Variants in CTNND2 observed in about 807,000 individuals in gnomAD.
CTNND2 encodes the protein catenin delta 2, also known as catenin delta-2.
In CTNND2, 22 loss-of-function variants were observed where a neutral mutation model predicts 144.4. The observed-to-expected ratio is 0.15, with a 90% CI of 0.11 to 0.22. The LOEUF (loss-of-function observed/expected upper bound fraction) is 0.22. Among genes scored for constraint, CTNND2 ranks in the 10% least tolerant of loss-of-function variants. CTNND2 has a pLI of 1.00. For synonymous variants in CTNND2, 751 were observed against 695.6 expected (o/e 1.08, Z -1.25); for missense variants, 1,353 against 1,618.8 (o/e 0.84, Z 2.82).
chr5:11,398,049 C>G (rs954300790), intron 5 of CTNND2, among the ~76,000 whole-genome samples: 4 of 152,000 alleles, frequency 2.6e-5, no homozygotes, highest in African/African-American at 9.7e-5. Context: ...AGTAAATGTA[C>G]TTGTTATTTT....
chr5:11,091,434 T>C (rs1445593089), intron 15 of CTNND2, among the ~76,000 whole-genome samples: 1 of 152,240 alleles, frequency 6.6e-6, no homozygotes, highest in African/African-American at 2.4e-5. Context: ...TTTTAACATC[T>C]GTCAGTTCTT....
At chr5:11,265,264 A>C (rs1351973664) in intron 9 of CTNND2, among the ~76,000 whole-genome samples, 4 of 152,148 alleles carry the variant, frequency 2.6e-5, no homozygotes, top group Non-Finnish European at 4.4e-5. Context: ...TAGGACTGGA[A>C]AAAATAATGT....
intron 19 of CTNND2, among the ~76,000 whole-genome samples, chr5:10,990,613 T>C (rs1348463996): frequency 2.0e-5 from 3 of 152,218 alleles, no homozygotes; most frequent in Non-Finnish European, 4.4e-5. Flanking sequence ...ACCACAGCTT[T>C]TAAAATTAGA....
chr5:11,005,018 G>A (rs1740335288), intron 18 of CTNND2, among the ~76,000 whole-genome samples: 1 of 152,196 alleles, frequency 6.6e-6, no homozygotes, highest in Non-Finnish European at 1.5e-5. Context: ...CAGGCTGTAA[G>A]AGCCATGAAG....
chr5:11,370,340 T>C (rs1757354478), intron 7 of CTNND2, among the ~76,000 whole-genome samples: 1 of 152,156 alleles, frequency 6.6e-6, no homozygotes, highest in African/African-American at 2.4e-5. Flanking sequence ...GATGCATCAA[T>C]GCACATTTTA....
intron 2 of CTNND2, among the ~76,000 whole-genome samples, chr5:11,581,775 A>T (rs933205912): frequency 6.6e-6 from 1 of 152,168 alleles, no homozygotes; most frequent in Non-Finnish European, 1.5e-5. Context: ...TCAGGTTTCA[A>T]ATTTGATTGT....
At chr5:11,832,140 C>T (rs764301708) in intron 1 of CTNND2, among the ~76,000 whole-genome samples, 1 of 151,892 alleles carries the variant, frequency 6.6e-6, no homozygotes, top group Non-Finnish European at 1.5e-5. Flanking sequence ...AAAAATTAGC[C>T]GGGCATGGTG....
chr5:11,684,839 A>G (rs1784572237), intron 2 of CTNND2, among the ~76,000 whole-genome samples: 1 of 152,216 alleles, frequency 6.6e-6, no homozygotes, highest in African/African-American at 2.4e-5. Context: ...CAACTGCCTT[A>G]AAACAGGAAG....
rs1428253453 is a variant in CTNND2 at position 11,346,420 on chromosome 5, C to A, written c.1580G>T (p.Gly527Val). ...AATGGACGGGGACCTGGCCAAGGTG[C>A]CTTCAGGCGGGAGAGCAGGGCCGGA... ...SKSGPALPPE[G>V]TLARSPSIDS... is the part of the protein sequence containing the mutation. The change falls in exon 9 of 22, where the codon GGC becomes GTC. Residue 527 changes from glycine (G) to valine (V), a missense_variant. By Grantham distance (109) the Gly-to-Val change is moderately radical. This residue lies in a region of CTNND2 where 708 missense variants were observed against 706.4 expected (regional missense o/e 1.00). Transcript: ENST00000304623. 1.3e-6 allele frequency: 2 copies of A among 1,531,582 alleles called. No individual in the cohort carries two copies. Among genetic ancestry groups the A allele is most frequent in the African/African-American group, 1.4e-5 (1 of 71,532 alleles). The allele number at this position is 1,531,582 out of a possible 1,614,324, so 94.9% of individuals were successfully genotyped here. A position where few individuals can be genotyped will look rare whatever the true frequency, so the allele number is the denominator to read the frequency against.
At chr5:11,264,192 T>G (rs571625715) in intron 9 of CTNND2, among the ~76,000 whole-genome samples, 1 of 152,322 alleles carries the variant, frequency 6.6e-6, no homozygotes, top group Non-Finnish European at 1.5e-5. Flanking sequence ...AGGATAGTCA[T>G]TTGATATTAT....
At chr5:10,976,815 C>T (rs2149480114) in intron 21 of CTNND2, among the ~76,000 whole-genome samples, 1 of 152,342 alleles carries the variant, frequency 6.6e-6, no homozygotes, top group South Asian at 2.1e-4. Context: ...CCCAGTATAG[C>T]TCTTCCAACT....
At chr5:11,120,923 TAA>T (rs1316758731) in intron 12 of CTNND2, among the ~76,000 whole-genome samples, 1 of 152,226 alleles carries the variant, frequency 6.6e-6, no homozygotes, top group African/African-American at 2.4e-5. Flanking sequence ...AAACATATCT[TAA>T]GAGAATATTT....
chr5:11,237,344 G>T (rs1296290244), intron 9 of CTNND2, among the ~76,000 whole-genome samples: 2 of 152,002 alleles, frequency 1.3e-5, no homozygotes, highest in Admixed American at 1.3e-4. Context: ...AAGTGCAAAC[G>T]TGTATACTAC....
chr5:11,296,726 C>T (rs529431957), intron 9 of CTNND2, among the ~76,000 whole-genome samples: 7 of 152,138 alleles, frequency 4.6e-5, no homozygotes, highest in East Asian at 1.9e-4. Context: ...AGCAAACTAT[C>T]GCAAGGACAA....
chr5:11,337,615 G>A (rs2067890), intron 9 of CTNND2, among the ~76,000 whole-genome samples: 3,114 of 152,198 alleles, frequency 0.02, 225 homozygotes, highest in East Asian at 0.16. Context: ...GATTAACCAC[G>A]AAAGAGGAAG....
chr5:11,108,748 C>A, intron 14 of CTNND2, among the ~76,000 whole-genome samples: 1 of 152,112 alleles, frequency 6.6e-6, no homozygotes, highest in East Asian at 1.9e-4. Flanking sequence ...CAATCTCACA[C>A]CAACAGCGCC....
chr5:11,482,273 C>G (rs1224721016), intron 3 of CTNND2, among the ~76,000 whole-genome samples: 1 of 152,136 alleles, frequency 6.6e-6, no homozygotes, highest in Non-Finnish European at 1.5e-5. Context: ...TAAATGATGT[C>G]TCTATGGATA....
chr5:11,431,984 A>T (rs1763333365), intron 3 of CTNND2, among the ~76,000 whole-genome samples: 1 of 152,152 alleles, frequency 6.6e-6, no homozygotes, highest in Admixed American at 6.5e-5. Flanking sequence ...AAGAAAAGAT[A>T]CTTGTAGAAA....
intron 1 of CTNND2, among the ~76,000 whole-genome samples, chr5:11,769,718 T>C (rs565194481): frequency 5.8e-4 from 88 of 152,298 alleles, no homozygotes; most frequent in South Asian, 1.2e-3. Flanking sequence ...ACACATAAAA[T>C]ATATGCCCCA....
Sources: gnomAD v4.1 joint callset for allele counts (sites outside exome capture counted in the v4.1 genomes callset) on GRCh38, gnomAD v4.1.1 for gene constraint, gnomAD v4.1.1 regional missense constraint, MANE v1.5 for transcripts, NCBI Gene and HGNC (gene_info 2026-07-23, HGNC 2026-07-21) for gene names.